MSTO1: variants seen among roughly 807,000 people sequenced by gnomAD.
MSTO1 encodes protein misato homolog 1.
In MSTO1, 24 loss-of-function variants were observed where a neutral mutation model predicts 55.7. The observed-to-expected ratio is 0.43, with a 90% CI of 0.31 to 0.61. The LOEUF (loss-of-function observed/expected upper bound fraction) is 0.61, where lower values mean the gene tolerates loss of function less well. MSTO1 is among the 20% of genes least tolerant of loss of function. MSTO1 has a pLI of 0.09. For synonymous variants in MSTO1, 162 were observed against 252.8 expected (o/e 0.64, Z 3.41); for missense variants, 363 against 625.7 (o/e 0.58, Z 4.48).
At chr1:155,610,087 A>T (rs1673489139), upstream of MSTO1, 4 of 687,654 alleles carry the variant, frequency 5.8e-6, no homozygotes, top group Admixed American at 9.1e-5. Flanking sequence ...GTCTAGGAAG[A>T]GGTAGGAAGG....
At chr1:155,580,907 C>CAAA in the MSTO1 span, among the ~76,000 whole-genome samples, 28 of 91,650 alleles carry the variant, frequency 3.1e-4, no homozygotes, top group African/African-American at 1.1e-3. Flanking sequence ...GACTCTGTCT[C>CAAA]AAAAAAAAAA....
the MSTO1 span, among the ~76,000 whole-genome samples, chr1:155,593,259 T>C: frequency 1.3e-5 from 2 of 152,188 alleles, no homozygotes; most frequent in Non-Finnish European, 2.9e-5. Flanking sequence ...CTGCATGTCT[T>C]CAATGGCAGA....
At chr1:155,580,974 C>CAGA in the MSTO1 span, among the ~76,000 whole-genome samples, 7 of 150,514 alleles carry the variant, frequency 4.7e-5, no homozygotes, top group Admixed American at 6.6e-5. Flanking sequence ...ACAGTTTCAT[C>CAGA]AGAGTAGCGG....
upstream of MSTO1, among the ~76,000 whole-genome samples, chr1:155,606,987 A>C (rs1672945942): frequency 6.6e-6 from 1 of 151,090 alleles, no homozygotes; most frequent in South Asian, 2.1e-4. Flanking sequence ...GGCACGCGCC[A>C]CCTCGTCCTG....
At position 155,612,231 on chromosome 1, in the gene MSTO1, C is replaced by T. The variant is rs201897470; in HGVS notation, c.728C>T (p.Ala243Val). ...CACGATGGCTTCTCTGGGGTAGGCG[C>T]GAAGGCGGCAGAGCTGCTACAAGAT... ...DLHDGFSGVGAKAAELLQDEY... is the reference protein window; with the variant it reads ...DLHDGFSGVGVKAAELLQDEY... Residue 243 changes from alanine (A) to valine (V), a missense_variant, in exon 8 of 14, where the codon GCG (alanine) becomes GTG (valine). Ala to Val is a moderately conservative substitution (Grantham distance 64, BLOSUM62 0). Around this residue, in one of 3 missense-constraint regions of MSTO1, gnomAD observed 231 missense variants for 286.9 expected, o/e 0.81. Coordinates refer to ENST00000245564, the MANE Select transcript of MSTO1 (RefSeq NM_018116.4). 68 of 1,606,154 alleles carry T rather than the reference C, an allele frequency of 4.2e-5. No individual in the cohort carries two copies. Among genetic ancestry groups the T allele is most frequent in the East Asian group, 4.5e-5 (2 of 44,832 alleles).
the MSTO1 span, among the ~76,000 whole-genome samples, chr1:155,589,489 T>G: frequency 2.0e-5 from 3 of 151,196 alleles, no homozygotes; most frequent in Admixed American, 2.0e-4. Flanking sequence ...TGTTAAGGAG[T>G]ATTGAGTCAC....
chr1:155,567,197 C>T, the MSTO1 span, among the ~76,000 whole-genome samples: 1 of 150,364 alleles, frequency 6.7e-6, no homozygotes, highest in Admixed American at 6.6e-5. Context: ...AATCTCAACT[C>T]ACTGCAACCT....
chr1:155,572,870 G>C, the MSTO1 span, among the ~76,000 whole-genome samples: 1 of 151,890 alleles, frequency 6.6e-6, no homozygotes, highest in Admixed American at 6.6e-5. Context: ...GGCTGGTCTC[G>C]AACTCCCGAC....
chr1:155,583,752 A>G, the MSTO1 span, among the ~76,000 whole-genome samples: 1 of 152,222 alleles, frequency 6.6e-6, no homozygotes, highest in Middle Eastern at 3.4e-3. Context: ...AGGCACGCCT[A>G]TGGAAAGAAG....
chr1:155,597,631 G>A, the MSTO1 span, among the ~76,000 whole-genome samples: 5 of 145,604 alleles, frequency 3.4e-5, no homozygotes, highest in East Asian at 2.1e-4. Flanking sequence ...CGTCTCAGCC[G>A]CCTGAGTAGC....
upstream of MSTO1, among the ~76,000 whole-genome samples, chr1:155,609,216 A>AGT (rs1553289141): frequency 1.7e-4 from 18 of 103,714 alleles, no homozygotes; most frequent in African/African-American, 5.9e-4. Context: ...TATTATCAGC[A>AGT]GTATATATAT....
chr1:155,614,547 A>C lies in MSTO1; in HGVS notation c.*274A>C. 1.6e-6 allele frequency: 1 copy of C among 619,480 alleles called. No individual in the cohort carries two copies. The highest frequency in any genetic ancestry group is 4.4e-4 in the Middle Eastern group (1 of 2,294). 38.4% of individuals were successfully genotyped at this position (619,480 alleles called of 1,614,324 possible). On this transcript the variant is annotated 3_prime_UTR_variant, in exon 14 of 14. Transcript: ENST00000245564. ...TAAAAGACCTTGAATGATGCCTAGGATGGCAGAGCCCCTGGGTCCTACTCC... is the reference window on the plus strand; with the variant it reads ...TAAAAGACCTTGAATGATGCCTAGGCTGGCAGAGCCCCTGGGTCCTACTCC...
the MSTO1 span, among the ~76,000 whole-genome samples, chr1:155,602,930 C>G: frequency 6.6e-6 from 1 of 152,028 alleles, no homozygotes; most frequent in East Asian, 1.9e-4. Context: ...CTGTCTAGAC[C>G]AGGGGCCTTC....
At chr1:155,611,463 T>A (rs1174176237) in intron 4 of MSTO1, 86 bp from the exon 5 acceptor site, 1 of 1,613,338 alleles carries the variant, frequency 6.2e-7, no homozygotes, top group African/African-American at 1.3e-5. Context: ...GGCTATGCGG[T>A]GTGGCCAGCC....
chr1:155,576,163 T>C, the MSTO1 span, among the ~76,000 whole-genome samples: 1 of 151,874 alleles, frequency 6.6e-6, no homozygotes, highest in Non-Finnish European at 1.5e-5. Flanking sequence ...AAGTTGTAAA[T>C]GTTCTTTATA....
At chr1:155,591,029 C>G in the MSTO1 span, 18 of 1,613,874 alleles carry the variant, frequency 1.1e-5, no homozygotes, top group Non-Finnish European at 1.5e-5. Context: ...GCACGTGCAG[C>G]CTGCAGGTCC....
the MSTO1 span, among the ~76,000 whole-genome samples, chr1:155,564,770 A>G: frequency 6.5e-3 from 991 of 152,340 alleles, 8 homozygotes; most frequent in African/African-American, 0.022. Flanking sequence ...AACAGGGACT[A>G]TGTCTACTAC....
Sources: allele counts gnomAD v4.1 joint callset (sites outside exome capture counted in the v4.1 genomes callset), GRCh38; gene constraint gnomAD v4.1.1; regional missense constraint gnomAD v4.1.1; transcripts MANE v1.5; gene names NCBI Gene and HGNC (gene_info 2026-07-23, HGNC 2026-07-21).